FILIP1: variants seen among roughly 807,000 people sequenced by gnomAD.
The protein encoded by FILIP1 is filamin-A-interacting protein 1.
In FILIP1, 61 loss-of-function variants were observed where a neutral mutation model predicts 102.1. That is an observed-to-expected ratio of 0.60 (90% CI 0.49 to 0.74). The LOEUF (loss-of-function observed/expected upper bound fraction) is 0.74. Among genes scored for constraint, FILIP1 ranks in the 30% least tolerant of loss-of-function variants. The pLI, the probability that FILIP1 is intolerant of heterozygous loss-of-function variation, is 0.00. For synonymous variants in FILIP1, 491 were observed against 526.9 expected, an observed-to-expected ratio of 0.93 and a Z score of 0.93; for missense variants, 1,314 against 1,441.2, an observed-to-expected ratio of 0.91 and a Z score of 1.43.
intron 4 of FILIP1, among the ~76,000 whole-genome samples, chr6:75,317,794 C>T (rs1287777726): frequency 6.6e-6 from 1 of 152,176 alleles, no homozygotes; most frequent in African/African-American, 2.4e-5. Context: ...TACAGAAATA[C>T]CAGGCTCATT....
intron 1 of FILIP1, among the ~76,000 whole-genome samples, chr6:75,439,239 G>A (rs1025189141): frequency 2.0e-5 from 3 of 152,118 alleles, no homozygotes; most frequent in East Asian, 1.9e-4. Flanking sequence ...GGTGGCATGC[G>A]CCTGTAGTCC....
Position 75,313,328 on chromosome 6 carries a change from A to G in FILIP1, c.2504T>C (p.Met835Thr). 6.2e-7 allele frequency: 1 copy of G among 1,614,238 alleles called. No individual in the cohort carries two copies. Among genetic ancestry groups the G allele is most frequent in the Non-Finnish European group, 8.5e-7 (1 of 1,180,050 alleles). Reference sequence around the variant, plus strand: ...CAATCCCACCTGCCGAAGATTACTCATAATATGATTTTCTTCCTGGAAGGA... The same window carrying G: ...CAATCCCACCTGCCGAAGATTACTCGTAATATGATTTTCTTCCTGGAAGGA... ...RKSFQEENHI[M>T]SNLRQVGLKK... The change falls in exon 5 of 6, where the codon ATG (methionine) becomes ACG (threonine). Residue 835 changes from methionine to threonine, a missense_variant. This residue lies in a region of FILIP1 where 816 missense variants were observed against 913.1 expected (regional missense o/e 0.89). Transcript: ENST00000237172. This position sits in a 1 kb window ranked among gnomAD's most constrained non-coding sequence, Gnocchi z 4.2.
intron 2 of FILIP1, among the ~76,000 whole-genome samples, chr6:75,364,629 A>T (rs1775270082): frequency 1.3e-5 from 2 of 152,238 alleles, no homozygotes; most frequent in South Asian, 4.1e-4. Context: ...AACTCTAAAA[A>T]ATCCCAAGGC....
intron 2 of FILIP1, among the ~76,000 whole-genome samples, chr6:75,393,789 GTAC>G (rs1449999271): frequency 6.6e-6 from 1 of 152,188 alleles, no homozygotes; most frequent in Admixed American, 6.5e-5. Flanking sequence ...CCAGGCTCCT[GTAC>G]TAGCTGCTTT....
At chr6:75,360,408 C>T (rs569035146) in intron 3 of FILIP1, among the ~76,000 whole-genome samples, 8 of 152,136 alleles carry the variant, frequency 5.3e-5, no homozygotes, top group African/African-American at 1.9e-4. Flanking sequence ...TAGGGACTTC[C>T]GGATATATTA....
At chr6:75,450,064 T>C (rs1778572363) in intron 1 of FILIP1, among the ~76,000 whole-genome samples, 2 of 152,148 alleles carry the variant, frequency 1.3e-5, no homozygotes, top group African/African-American at 4.8e-5. Flanking sequence ...CTCAGCTTCC[T>C]GAGTAGGTGG....
downstream of FILIP1, among the ~76,000 whole-genome samples, chr6:75,306,601 TA>T (rs1458469342): frequency 6.6e-6 from 1 of 152,142 alleles, no homozygotes; most frequent in African/African-American, 2.4e-5. Context: ...AAAAATCTTG[TA>T]AAAAAATATG....
At chr6:75,323,704 A>G (rs996934235) in intron 4 of FILIP1, among the ~76,000 whole-genome samples, 4 of 152,214 alleles carry the variant, frequency 2.6e-5, no homozygotes, top group Non-Finnish European at 5.9e-5. Context: ...AGAAAAAGAA[A>G]TAAGGGGCAT....
At position 75,315,078 on chromosome 6, in the gene FILIP1, C is replaced by T. The variant is rs747071603; in HGVS notation, c.754G>A (p.Asp252Asn). The change falls in exon 5 of 6, where the codon GAT (aspartate) becomes AAT (asparagine). Residue 252 changes from aspartate (D) to asparagine (N), a missense_variant. Asp to Asn is a conservative substitution (Grantham distance 23, BLOSUM62 1). Transcript: ENST00000237172. ...TGTTCAATGTGCATTTGTCTTTCAT[C>T]CACCAGCATGAGTGCAAAGGATTTG... ...KLKSFALMLV[D>N]ERQMHIEQLG... 1 of 1,614,148 alleles carries T rather than the reference C, an allele frequency of 6.2e-7. No individual in the cohort carries two copies. Among genetic ancestry groups the T allele is most frequent in the Non-Finnish European group, 8.5e-7 (1 of 1,180,008 alleles).
At chr6:75,296,351 G>C (rs1772671381) in intron 6 of FILIP1, among the ~76,000 whole-genome samples, 2 of 149,400 alleles carry the variant, frequency 1.3e-5, no homozygotes, top group South Asian at 4.2e-4. Flanking sequence ...TTGTGTGTGT[G>C]TGTGTGTGTG....
At position 75,427,498 on chromosome 6, in the gene FILIP1, G is replaced by A. The variant is rs1415428571; in HGVS notation, c.-6-12520C>T. Among the ~76,000 whole-genome samples the A allele has an allele frequency of 2.0e-5, 3 of 152,094 alleles. No homozygotes were observed. In the East Asian group the frequency reaches 5.8e-4, roughly 29 times the overall value. On this transcript the variant is annotated intron_variant, in intron 1 of 5. Coordinates refer to ENST00000237172, the MANE Select transcript of FILIP1 (RefSeq NM_015687.5). ...AAGACTCATATGGGGCCTGGAGGCA[G>A]CCAGAGTTCATTCAGTCTTTCCAAC...
At chr6:75,435,979 G>A (rs1036782368) in intron 1 of FILIP1, among the ~76,000 whole-genome samples, 1 of 152,086 alleles carries the variant, frequency 6.6e-6, no homozygotes, top group African/African-American at 2.4e-5. Context: ...GAAACAATGG[G>A]ATTTTCTTGT....
chr6:75,303,785 G>A (rs1226145295), downstream of FILIP1, among the ~76,000 whole-genome samples: 2 of 151,762 alleles, frequency 1.3e-5, no homozygotes, highest in South Asian at 2.1e-4. Flanking sequence ...GAGAGAGAGA[G>A]GATAGATAGA....
At chr6:75,401,832 T>C (rs1776669882) in intron 2 of FILIP1, among the ~76,000 whole-genome samples, 1 of 152,202 alleles carries the variant, frequency 6.6e-6, no homozygotes, top group African/African-American at 2.4e-5. Flanking sequence ...TCATACCAGT[T>C]ATCTGTACAA....
chr6:75,350,017 C>A (rs1253599065), intron 4 of FILIP1, among the ~76,000 whole-genome samples: 6 of 151,994 alleles, frequency 3.9e-5, no homozygotes, highest in African/African-American at 1.2e-4. Context: ...CTTCGCTGCC[C>A]CGGGAACTCG....
chr6:75,379,528 T>G (rs1261151229), intron 2 of FILIP1, among the ~76,000 whole-genome samples: 1 of 152,150 alleles, frequency 6.6e-6, no homozygotes, highest in African/African-American at 2.4e-5. Flanking sequence ...CAACAGAGAC[T>G]CTGAGGAAGC....
chr6:75,392,556 C>T (rs1776309186), intron 2 of FILIP1, among the ~76,000 whole-genome samples: 1 of 152,170 alleles, frequency 6.6e-6, no homozygotes, highest in Admixed American at 6.5e-5. Flanking sequence ...CTTAGCAAAT[C>T]TCTTTCTCAC....
chr6:75,384,346 T>C (rs1346721748), intron 2 of FILIP1, among the ~76,000 whole-genome samples: 1 of 152,250 alleles, frequency 6.6e-6, no homozygotes, highest in Non-Finnish European at 1.5e-5. Flanking sequence ...TTGCTTTATA[T>C]GGAAGTTGAC....
At chr6:75,432,343 G>T (rs920083572) in intron 1 of FILIP1, among the ~76,000 whole-genome samples, 9 of 152,208 alleles carry the variant, frequency 5.9e-5, no homozygotes, top group African/African-American at 2.2e-4. Flanking sequence ...TTGTTTCATT[G>T]TTACTGAGTG....
Sources: gnomAD v4.1 joint callset for allele counts (sites outside exome capture counted in the v4.1 genomes callset) on GRCh38, gnomAD v4.1.1 for gene constraint, gnomAD v4.1.1 regional missense constraint, Gnocchi (gnomAD v3.1) non-coding constraint, MANE v1.5 for transcripts, NCBI Gene and HGNC (gene_info 2026-07-23, HGNC 2026-07-21) for gene names.